The following NRXN1 variants were observed in gnomAD, a reference collection of about 807,000 sequenced individuals.
NRXN1 encodes neurexin 1, also known as neurexin-1.
A neutral mutation model predicts 150.9 loss-of-function variants in NRXN1; 39 were observed. The ratio of observed to expected loss-of-function variants is 0.26; its 90% CI spans 0.20 to 0.34. The LOEUF (loss-of-function observed/expected upper bound fraction) is 0.34, where lower values mean the gene tolerates loss of function less well. Ranked by LOEUF, NRXN1 falls within the 10% of genes least tolerant of loss-of-function variation. The pLI, the probability that NRXN1 is intolerant of heterozygous loss-of-function variation, is 1.00. For missense variants in NRXN1, 1,815 were observed against 1,949.9 expected (o/e 0.93, Z 1.30); for synonymous variants, 924 against 757.0 (o/e 1.22, Z -3.62).
intron 21 of NRXN1, among the ~76,000 whole-genome samples, chr2:49,949,318 G>T (rs1469074428): frequency 6.6e-6 from 1 of 151,792 alleles, no homozygotes; most frequent in Non-Finnish European, 1.5e-5. Flanking sequence ...CATCATTAAT[G>T]GTGGAATTTT....
intron 2 of NRXN1, 128 bp downstream of exon 2, chr2:51,027,374 G>A (rs981313675): frequency 1.8e-5 from 17 of 952,566 alleles, no homozygotes; most frequent in Non-Finnish European, 2.5e-5. Flanking sequence ...CCAGAAACAA[G>A]GTCCTTCCCT....
chr2:50,316,480 T>C (rs2075616088), intron 17 of NRXN1, among the ~76,000 whole-genome samples: 1 of 152,044 alleles, frequency 6.6e-6, no homozygotes, highest in South Asian at 2.1e-4. Context: ...ATGCAACCAG[T>C]ATAGCCATTT....
At chr2:50,359,862 G>T (rs1326206817) in intron 17 of NRXN1, among the ~76,000 whole-genome samples, 4 of 152,138 alleles carry the variant, frequency 2.6e-5, no homozygotes, top group Admixed American at 2.6e-4. Context: ...AGAGAGAAAG[G>T]TTGGGCTACC....
intron 5 of NRXN1, among the ~76,000 whole-genome samples, chr2:50,870,160 A>T (rs148400616): frequency 6.6e-6 from 1 of 151,926 alleles, no homozygotes; most frequent in African/African-American, 2.4e-5. Flanking sequence ...TTGGAGACAA[A>T]TAATATAAAA....
At chr2:50,369,571 T>C (rs577463305) in intron 17 of NRXN1, among the ~76,000 whole-genome samples, 3 of 152,168 alleles carry the variant, frequency 2.0e-5, no homozygotes, top group East Asian at 3.9e-4. Context: ...AGCTACCTTA[T>C]GTGCTTTCAA....
chr2:50,262,753 A>G (rs543178436), intron 17 of NRXN1, among the ~76,000 whole-genome samples: 1 of 152,068 alleles, frequency 6.6e-6, no homozygotes, highest in East Asian at 1.9e-4. Context: ...CAGTGGTGTC[A>G]TTTTCCTCCA....
At chr2:50,985,397 C>T (rs974609759) in intron 2 of NRXN1, 8 of 151,630 alleles carry the variant, frequency 5.3e-5, no homozygotes, top group African/African-American at 7.3e-5. Flanking sequence ...AAAACCATAA[C>T]GGAATCAGAC....
chr2:50,376,361 C>G (rs1439349829), intron 17 of NRXN1, among the ~76,000 whole-genome samples: 1 of 128,968 alleles, frequency 7.8e-6, no homozygotes, highest in African/African-American at 3.0e-5. Flanking sequence ...AATTTTGAAG[C>G]AAAATGAAAA....
At chr2:50,947,541 A>G (rs1029739021) in intron 2 of NRXN1, among the ~76,000 whole-genome samples, 1 of 151,946 alleles carries the variant, frequency 6.6e-6, no homozygotes, top group Non-Finnish European at 1.5e-5. Context: ...TCTAGACAAG[A>G]TAATATACCC....
intron 17 of NRXN1, among the ~76,000 whole-genome samples, chr2:50,243,854 T>A (rs1034871182): frequency 2.0e-5 from 3 of 151,182 alleles, no homozygotes; most frequent in African/African-American, 2.4e-5. Flanking sequence ...AGATACCATT[T>A]AAAAAAAAAT....
intron 5 of NRXN1, among the ~76,000 whole-genome samples, chr2:50,895,644 A>G (rs556120897): frequency 1.2e-3 from 186 of 151,172 alleles, no homozygotes; most frequent in African/African-American, 4.2e-3. Context: ...GAAATGGCAC[A>G]ATCTTGGCTG....
chr2:50,724,968 G>T (rs1345007468), intron 5 of NRXN1, among the ~76,000 whole-genome samples: 1 of 152,100 alleles, frequency 6.6e-6, no homozygotes, highest in Non-Finnish European at 1.5e-5. Flanking sequence ...ACGATTCTAG[G>T]TGGTAGGATT....
At chr2:50,916,170 CCTT>C (rs1487800627) in intron 5 of NRXN1, among the ~76,000 whole-genome samples, 1 of 150,388 alleles carries the variant, frequency 6.6e-6, no homozygotes, top group Non-Finnish European at 1.5e-5. Flanking sequence ...TTTGAAGTCT[CCTT>C]AAGGTTGGCT....
At chr2:50,325,010 A>C (rs1158942011) in intron 17 of NRXN1, among the ~76,000 whole-genome samples, 2 of 152,220 alleles carry the variant, frequency 1.3e-5, no homozygotes, top group African/African-American at 4.8e-5. Context: ...TGGGTTTAAA[A>C]ATCTAGCAGA....
intron 5 of NRXN1, among the ~76,000 whole-genome samples, chr2:50,798,861 G>C (rs1707199275): frequency 6.6e-6 from 1 of 152,140 alleles, no homozygotes; most frequent in East Asian, 1.9e-4. Flanking sequence ...AGAAGATCTT[G>C]CTAAAAAATA....
intron 5 of NRXN1, among the ~76,000 whole-genome samples, chr2:50,864,597 G>T (rs1676606163): frequency 1.3e-5 from 2 of 152,038 alleles, no homozygotes; most frequent in African/African-American, 4.8e-5. Context: ...AATCTATGTA[G>T]AACCCACAAC....
chr2:50,707,496 C>G (rs968374238), intron 5 of NRXN1, among the ~76,000 whole-genome samples: 1 of 152,164 alleles, frequency 6.6e-6, no homozygotes, highest in Non-Finnish European at 1.5e-5. Context: ...CAGACGTTAT[C>G]TTGTACTTTC....
intron 8 of NRXN1, among the ~76,000 whole-genome samples, chr2:50,597,100 C>T (rs569823270): frequency 6.6e-6 from 1 of 152,150 alleles, no homozygotes; most frequent in South Asian, 2.1e-4. Flanking sequence ...TGCCTCAGCA[C>T]TCCCAAAGTG....
At chr2:49,955,237 T>TA in intron 21 of NRXN1, among the ~76,000 whole-genome samples, 1 of 152,156 alleles carries the variant, frequency 6.6e-6, no homozygotes, top group Non-Finnish European at 1.5e-5. Context: ...AATCTCAATA[T>TA]AAAATTGAAC....
Sources: gnomAD v4.1 joint callset for allele counts (sites outside exome capture counted in the v4.1 genomes callset) on GRCh38, gnomAD v4.1.1 for gene constraint, MANE v1.5 for transcripts, NCBI Gene and HGNC (gene_info 2026-07-23, HGNC 2026-07-21) for gene names.